KLRG2: variants seen among roughly 807,000 people sequenced by gnomAD.
The protein encoded by KLRG2 is killer cell lectin-like receptor subfamily G member 2.
In KLRG2, 39 loss-of-function variants were observed where a neutral mutation model predicts 35.4. That is an observed-to-expected ratio of 1.10 (90% CI 0.85 to 1.44). The LOEUF (loss-of-function observed/expected upper bound fraction) is 1.44, where lower values mean the gene tolerates loss of function less well. KLRG2 is among the 40% of genes most tolerant of loss of function. KLRG2 has a pLI of 0.00. For missense variants in KLRG2, 632 were observed against 570.9 expected, an observed-to-expected ratio of 1.11 and a Z score of -1.09; for synonymous variants, 283 against 265.8, an observed-to-expected ratio of 1.06 and a Z score of -0.63.
At chr7:139,458,388 AAAG>A (rs1796512314) in intron 3 of KLRG2, among the ~76,000 whole-genome samples, 1 of 149,488 alleles carries the variant, frequency 6.7e-6, no homozygotes, top group Admixed American at 6.6e-5. Context: ...TCAAAAAAAA[AAAG>A]AAAGAAAGAA....
At chr7:139,459,584 C>A (rs1224120754) in intron 3 of KLRG2, among the ~76,000 whole-genome samples, 1 of 152,180 alleles carries the variant, frequency 6.6e-6, no homozygotes, top group Non-Finnish European at 1.5e-5. Flanking sequence ...AGGGCCCAGC[C>A]CAGGCGCTGA....
chr7:139,460,820 G>GT (rs1004564248), intron 3 of KLRG2, among the ~76,000 whole-genome samples: 1 of 152,136 alleles, frequency 6.6e-6, no homozygotes, highest in Non-Finnish European at 1.5e-5. Flanking sequence ...TTAGCTGCAT[G>GT]TGGTGGCAGG....
intron 3 of KLRG2, among the ~76,000 whole-genome samples, chr7:139,460,264 G>T (rs964705843): frequency 2.0e-5 from 3 of 152,222 alleles, no homozygotes; most frequent in Non-Finnish European, 4.4e-5. Flanking sequence ...AGGGGACCTG[G>T]CCCCGACGTT....
chr7:139,476,228 C>G (rs1796847768), intron 3 of KLRG2, among the ~76,000 whole-genome samples: 1 of 152,120 alleles, frequency 6.6e-6, no homozygotes, highest in South Asian at 2.1e-4. Context: ...GGTGGCAAAA[C>G]TCTGACTCCA....
the KLRG2 span, among the ~76,000 whole-genome samples, chr7:139,443,782 A>C: frequency 2.6e-5 from 4 of 151,930 alleles, no homozygotes; most frequent in Admixed American, 6.6e-5. Context: ...GGCTGGTCTC[A>C]AACTCCTGAC....
the KLRG2 span, among the ~76,000 whole-genome samples, chr7:139,429,338 C>T: frequency 6.6e-6 from 1 of 151,350 alleles, no homozygotes; most frequent in Non-Finnish European, 1.5e-5. Context: ...CACTTCAAGT[C>T]GTTCTTTTCT....
intron 1 of KLRG2, 126 bp from the exon 2 acceptor site, chr7:139,480,373 G>A: frequency 1.7e-6 from 1 of 601,864 alleles, no homozygotes. Flanking sequence ...CCTCAGCCTG[G>A]GATGCCAACA....
the KLRG2 span, among the ~76,000 whole-genome samples, chr7:139,445,781 G>GTGTATATATATATATATATATATATA: frequency 6.1e-5 from 6 of 98,462 alleles, no homozygotes; most frequent in African/African-American, 4.6e-4. Context: ...ATATATATAT[G>GTGTATATATATATATATATATATATA]TATATATATA....
intron 3 of KLRG2, among the ~76,000 whole-genome samples, chr7:139,465,845 A>G (rs562084372): frequency 2.0e-5 from 3 of 152,180 alleles, no homozygotes; most frequent in South Asian, 2.1e-4. Flanking sequence ...TCTATCCCTC[A>G]TGGCAGTTTT....
the KLRG2 span, among the ~76,000 whole-genome samples, chr7:139,445,691 C>A: frequency 6.7e-6 from 1 of 148,186 alleles, no homozygotes; most frequent in Non-Finnish European, 1.5e-5. Flanking sequence ...GGTTCTTAAC[C>A]ACTTTTGGTT....
intron 3 of KLRG2, among the ~76,000 whole-genome samples, chr7:139,457,998 T>C (rs751667615): frequency 3.9e-5 from 6 of 152,214 alleles, no homozygotes; most frequent in Non-Finnish European, 7.3e-5. Flanking sequence ...CTGAGCAGAA[T>C]GGACTGAAAA....
the KLRG2 span, among the ~76,000 whole-genome samples, chr7:139,435,489 CAAA>C: frequency 6.6e-6 from 1 of 150,998 alleles, no homozygotes; most frequent in African/African-American, 2.4e-5. Flanking sequence ...GACTCCGTCT[CAAA>C]AAAAAATCAC....
chr7:139,449,867 T>A (rs1796349718), downstream of KLRG2, among the ~76,000 whole-genome samples: 1 of 148,778 alleles, frequency 6.7e-6, no homozygotes, highest in Admixed American at 6.7e-5. Flanking sequence ...GCTTGGCTAA[T>A]TTTTTTTGTA....
the KLRG2 span, among the ~76,000 whole-genome samples, chr7:139,437,193 G>A: frequency 3.3e-5 from 5 of 152,104 alleles, no homozygotes; most frequent in Non-Finnish European, 5.9e-5. Context: ...TTGGGAGGCC[G>A]AGGCAGGTGG....
chr7:139,451,441 G>A (rs973611830), downstream of KLRG2, among the ~76,000 whole-genome samples: 8 of 152,090 alleles, frequency 5.3e-5, no homozygotes, highest in East Asian at 5.8e-4. Flanking sequence ...CGGAGGTTGC[G>A]GTGAGCCGAG....
chr7:139,429,034 A>T, the KLRG2 span, among the ~76,000 whole-genome samples: 1 of 152,194 alleles, frequency 6.6e-6, no homozygotes. Flanking sequence ...TAATCACTTT[A>T]GGCCAGGCGT....
chr7:139,452,636 C>T (rs1248350235), downstream of KLRG2: 1 of 152,176 alleles, frequency 6.6e-6, no homozygotes, highest in Non-Finnish European at 1.5e-5. Context: ...GTGCTCAGCA[C>T]CAAGCCAACA....
chr7:139,451,966 C>CTT (rs58186917), downstream of KLRG2, among the ~76,000 whole-genome samples: 2,703 of 117,158 alleles, frequency 0.023, 166 homozygotes, highest in African/African-American at 0.079. Flanking sequence ...TTTCCATGTC[C>CTT]TTTTTTTTTT....
At chr7:139,439,790 T>A in the KLRG2 span, among the ~76,000 whole-genome samples, 1 of 152,166 alleles carries the variant, frequency 6.6e-6, no homozygotes, top group Non-Finnish European at 1.5e-5. Flanking sequence ...TTCCCAGGAC[T>A]ATCGTAACAA....
Sources: gnomAD v4.1 joint callset for allele counts (sites outside exome capture counted in the v4.1 genomes callset) on GRCh38, gnomAD v4.1.1 for gene constraint, MANE v1.5 for transcripts, NCBI Gene and HGNC (gene_info 2026-07-23, HGNC 2026-07-21) for gene names.